The following NCAM1 variants were observed in gnomAD, a reference collection of about 807,000 sequenced individuals.
NCAM1 encodes the protein neural cell adhesion molecule 1, also known as antigen recognized by monoclonal antibody 5.1H11.
Under a neutral mutation model 109.8 loss-of-function variants are expected in NCAM1, and 14 were observed. That is an observed-to-expected ratio of 0.13 (90% confidence interval 0.08 to 0.20). The LOEUF is 0.20. Among genes scored for constraint, NCAM1 ranks in the 10% least tolerant of loss-of-function variants. NCAM1 has a pLI of 1.00. For missense variants in NCAM1, 774 were observed against 1,109.9 expected (o/e 0.70, Z 4.30); for synonymous variants, 418 against 442.9 (o/e 0.94, Z 0.70).
chr11:113,057,288 G>A (rs570339314), intron 1 of NCAM1, among the ~76,000 whole-genome samples: 2 of 152,148 alleles, frequency 1.3e-5, no homozygotes, highest in South Asian at 4.2e-4. Context: ...GGACAACATT[G>A]GCAAAGGCAT....
chr11:113,243,351 C>T (rs921877679), intron 14 of NCAM1, among the ~76,000 whole-genome samples: 1 of 152,148 alleles, frequency 6.6e-6, no homozygotes, highest in Non-Finnish European at 1.5e-5. Context: ...GGCTTTGTCT[C>T]CGCGTACGCA....
chr11:113,263,642 G>A, intron 17 of NCAM1: 2 of 985,602 alleles, frequency 2.0e-6, no homozygotes, highest in African/African-American at 3.5e-5. Context: ...GCCAACAAGT[G>A]TCAGCTTTGA....
chr11:113,070,323 G>A (rs527284534), intron 1 of NCAM1, among the ~76,000 whole-genome samples: 3 of 152,294 alleles, frequency 2.0e-5, no homozygotes, highest in East Asian at 3.9e-4. Context: ...AAGGTGGGGA[G>A]TGTAGACAAA....
At chr11:113,178,081 G>A (rs1555107378) in intron 1 of NCAM1, among the ~76,000 whole-genome samples, 1 of 152,152 alleles carries the variant, frequency 6.6e-6, no homozygotes, top group Non-Finnish European at 1.5e-5. Flanking sequence ...ACGAACATGA[G>A]ATAGACCATA....
intron 1 of NCAM1, among the ~76,000 whole-genome samples, chr11:113,123,595 C>A (rs1245127): frequency 0.034 from 5,214 of 152,252 alleles, 143 homozygotes; most frequent in East Asian, 0.085. Context: ...TTCTGTGGTA[C>A]CCCTGACTGG....
At chr11:113,263,694 G>A (rs1182092848) in intron 17 of NCAM1, 8 of 985,452 alleles carry the variant, frequency 8.1e-6, no homozygotes, top group Non-Finnish European at 9.6e-6. Context: ...CCTGCTGCCT[G>A]GCAGCATGTC....
In NCAM1 at chr11:113,273,841, A is replaced by G; in HGVS notation, c.2457-1426A>G. 1 of 260,784 alleles carries G rather than the reference A, an allele frequency of 3.8e-6. No homozygotes were observed. The highest frequency in any genetic ancestry group is 4.4e-5 in the Admixed American group (1 of 22,632). The allele number at this position is 260,784 out of a possible 1,614,324, so 16.2% of individuals were successfully genotyped here. A position where few individuals can be genotyped will look rare whatever the true frequency, so the allele number is the denominator to read the frequency against. ...TGTCCTCCTTGTTAGATGTGTCTTCAGCCTCATCCAGGGCTTCTCTGAGGC... is the reference window on the plus strand; with the variant it reads ...TGTCCTCCTTGTTAGATGTGTCTTCGGCCTCATCCAGGGCTTCTCTGAGGC... On this transcript the variant is annotated intron_variant, in intron 19 of 19. Coordinates refer to ENST00000316851, the MANE Select transcript of NCAM1 (RefSeq NM_181351.5). This position sits in a 1 kb window ranked among gnomAD's most constrained non-coding sequence, Gnocchi z 6.0.
intron 17 of NCAM1, among the ~76,000 whole-genome samples, chr11:113,260,895 G>T (rs782648006): frequency 2.6e-5 from 4 of 152,184 alleles, no homozygotes; most frequent in Non-Finnish European, 4.4e-5. Flanking sequence ...GAAAATAGAT[G>T]CTGGAAAGCA....
At chr11:113,226,204 C>T (rs1254158246) in intron 9 of NCAM1, among the ~76,000 whole-genome samples, 4 of 152,178 alleles carry the variant, frequency 2.6e-5, no homozygotes, top group Non-Finnish European at 4.4e-5. Flanking sequence ...CGTGCAGAGA[C>T]ACACAGGCTC....
intron 1 of NCAM1, among the ~76,000 whole-genome samples, chr11:113,109,057 G>A (rs1261653623): frequency 1.3e-5 from 2 of 150,410 alleles, no homozygotes; most frequent in African/African-American, 4.9e-5. Flanking sequence ...GTTTTAAGAG[G>A]AGTGAGGAGG....
intron 1 of NCAM1, among the ~76,000 whole-genome samples, chr11:112,997,959 T>C (rs576975269): frequency 6.6e-6 from 1 of 152,202 alleles, no homozygotes; most frequent in South Asian, 2.1e-4. Context: ...TGCCAGGAGG[T>C]GGGTTGGCCT....
At chr11:113,094,790 G>T (rs1370714137) in intron 1 of NCAM1, among the ~76,000 whole-genome samples, 1 of 152,146 alleles carries the variant, frequency 6.6e-6, no homozygotes, top group Non-Finnish European at 1.5e-5. Flanking sequence ...GAACAGATTT[G>T]TTGTTGTTGT....
intron 1 of NCAM1, among the ~76,000 whole-genome samples, chr11:113,170,642 G>GT (rs1942959435): frequency 6.6e-6 from 1 of 152,052 alleles, no homozygotes; most frequent in African/African-American, 2.4e-5. Context: ...GTCTTGCTTT[G>GT]TTTTTTCTTT....
intron 1 of NCAM1, among the ~76,000 whole-genome samples, chr11:113,184,616 G>T (rs540783964): frequency 3.9e-5 from 6 of 152,104 alleles, no homozygotes; most frequent in South Asian, 2.1e-4. Context: ...ACAAGAATCC[G>T]CTCTGAGCCT....
intron 1 of NCAM1, among the ~76,000 whole-genome samples, chr11:113,060,636 T>A (rs1555083320): frequency 1.3e-5 from 2 of 152,240 alleles, no homozygotes; most frequent in Non-Finnish European, 2.9e-5. Flanking sequence ...TATGGGAGAT[T>A]CGGAAGGTTT....
intron 1 of NCAM1, among the ~76,000 whole-genome samples, chr11:113,150,182 T>C (rs1264941309): frequency 6.6e-6 from 1 of 152,248 alleles, no homozygotes; most frequent in Non-Finnish European, 1.5e-5. Flanking sequence ...ATCTCTCTTT[T>C]AGGAAAGACC....
intron 1 of NCAM1, among the ~76,000 whole-genome samples, chr11:113,180,395 G>A (rs1591392182): frequency 6.6e-6 from 1 of 152,224 alleles, no homozygotes; most frequent in African/African-American, 2.4e-5. Flanking sequence ...TCCTTCTTGG[G>A]AAGCATTAGC....
intron 1 of NCAM1, among the ~76,000 whole-genome samples, chr11:112,981,041 C>G (rs1951141246): frequency 6.6e-6 from 1 of 151,774 alleles, no homozygotes; most frequent in Admixed American, 6.6e-5. Context: ...TTCTGGGGAG[C>G]TGTTACTCAG....
intron 6 of NCAM1, 38 bp downstream of exon 6, chr11:113,207,416 G>A: frequency 6.6e-7 from 1 of 1,521,864 alleles, no homozygotes; most frequent in Non-Finnish European, 9.1e-7. Flanking sequence ...ATGGACTAGA[G>A]GAGAATGGGG....
Sources: allele counts gnomAD v4.1 joint callset (sites outside exome capture counted in the v4.1 genomes callset), GRCh38; gene constraint gnomAD v4.1.1; non-coding constraint Gnocchi (gnomAD v3.1); transcripts MANE v1.5; gene names NCBI Gene and HGNC (gene_info 2026-07-23, HGNC 2026-07-21).